The following COLEC10 variants were observed in gnomAD, a reference collection of about 807,000 sequenced individuals.
COLEC10 encodes the protein collectin-10.
A neutral mutation model predicts 28.4 loss-of-function variants in COLEC10; 22 were observed. The observed-to-expected ratio is 0.78, with a 90% CI of 0.55 to 1.11. The LOEUF (loss-of-function observed/expected upper bound fraction) is 1.11, where lower values mean the gene tolerates loss of function less well. COLEC10 is among the 50% of genes least tolerant of loss of function. The probability of loss-of-function intolerance (pLI) is 0.00; values close to 1 mark genes in which losing one functional copy is unlikely to be tolerated. For synonymous variants in COLEC10, 125 were observed against 116.1 expected (o/e 1.08, Z -0.49); for missense variants, 361 against 344.1 (o/e 1.05, Z -0.39).
intron 2 of COLEC10, among the ~76,000 whole-genome samples, chr8:119,047,763 A>T (rs1241333313): frequency 7.6e-6 from 1 of 132,218 alleles, no homozygotes; most frequent in Admixed American, 7.5e-5. Flanking sequence ...ACCTGAGAGA[A>T]TTATAAGAAA....
At chr8:119,089,541 A>G (rs1815546457) in intron 1 of COLEC10, 139 bp from the exon 2 acceptor site, 1 of 612,952 alleles carries the variant, frequency 1.6e-6, no homozygotes, top group Non-Finnish European at 2.9e-6. Context: ...ATGTGAACAT[A>G]CATCCATACT....
intron 2 of COLEC10, among the ~76,000 whole-genome samples, chr8:119,009,941 C>G (rs1274841912): frequency 1.3e-5 from 2 of 150,676 alleles, no homozygotes; most frequent in Non-Finnish European, 2.9e-5. Flanking sequence ...CTTCTGCCCC[C>G]ACATCCCATG....
chr8:118,977,576 A>C, the COLEC10 span, among the ~76,000 whole-genome samples: 1 of 131,104 alleles, frequency 7.6e-6, no homozygotes, highest in Non-Finnish European at 1.6e-5. Context: ...CAGGAAGGGG[A>C]ACATCACACT....
the COLEC10 span, among the ~76,000 whole-genome samples, chr8:118,964,916 T>C: frequency 6.6e-6 from 1 of 152,110 alleles, no homozygotes; most frequent in Non-Finnish European, 1.5e-5. Flanking sequence ...GCAGAATAAG[T>C]GTAAGCTGGG....
chr8:119,020,117 C>T (rs1303219513), intron 2 of COLEC10, among the ~76,000 whole-genome samples: 1 of 152,054 alleles, frequency 6.6e-6, no homozygotes, highest in Admixed American at 6.6e-5. Context: ...CTTCCTTTTT[C>T]CCCTCATTTT....
Position 119,106,388 on chromosome 8 carries a change from C to T in COLEC10, c.*197C>T. On this transcript the variant is annotated 3_prime_UTR_variant, in exon 6 of 6. Transcript: ENST00000332843. Reference sequence around the variant, plus strand: ...TTTCACACATGGTATATTATTGACCCAATAACTCGCCAGGTTACATGGGTC... The same window carrying T: ...TTTCACACATGGTATATTATTGACCTAATAACTCGCCAGGTTACATGGGTC... 1 of 540,090 alleles carries T rather than the reference C, an allele frequency of 1.9e-6. No individual in the cohort carries two copies. Among genetic ancestry groups the T allele is most frequent in the East Asian group, 3.0e-5 (1 of 32,952 alleles). 33.5% of individuals were successfully genotyped at this position (540,090 alleles called of 1,614,324 possible). A position where few individuals can be genotyped will look rare whatever the true frequency, so the allele number is the denominator to read the frequency against.
the COLEC10 span, among the ~76,000 whole-genome samples, chr8:118,961,239 G>A: frequency 6.6e-6 from 1 of 152,148 alleles, no homozygotes; most frequent in Non-Finnish European, 1.5e-5. Flanking sequence ...GAAAGAGATA[G>A]AATCAAAATT....
chr8:119,022,789 C>A (rs978034330), intron 2 of COLEC10, among the ~76,000 whole-genome samples: 3 of 152,106 alleles, frequency 2.0e-5, no homozygotes, highest in Non-Finnish European at 4.4e-5. Context: ...TAAGCCAGAT[C>A]AGGTTCTTCT....
intron 2 of COLEC10, among the ~76,000 whole-genome samples, chr8:119,059,073 C>A (rs1374263067): frequency 2.6e-5 from 4 of 151,890 alleles, no homozygotes. Flanking sequence ...AAAATTTTGC[C>A]CATTTTTAAT....
chr8:119,052,345 C>A (rs750439706), intron 2 of COLEC10, among the ~76,000 whole-genome samples: 2 of 152,202 alleles, frequency 1.3e-5, no homozygotes, highest in East Asian at 3.9e-4. Context: ...ACAAAGATCA[C>A]GTTAATGCCA....
At chr8:118,988,779 C>A in the COLEC10 span, among the ~76,000 whole-genome samples, 1 of 152,180 alleles carries the variant, frequency 6.6e-6, no homozygotes, top group East Asian at 1.9e-4. Context: ...GAGCCAACAA[C>A]AGAAACTCTA....
intron 1 of COLEC10, among the ~76,000 whole-genome samples, chr8:119,074,810 A>C (rs2450080): frequency 0.4 from 60,414 of 151,980 alleles, 12,679 homozygotes; most frequent in Non-Finnish European, 0.47. Flanking sequence ...CTTATTAGTA[A>C]AATGGAAATA....
At chr8:118,973,384 A>T in the COLEC10 span, among the ~76,000 whole-genome samples, 7 of 152,052 alleles carry the variant, frequency 4.6e-5, no homozygotes, top group East Asian at 1.4e-3. Flanking sequence ...TGAAGGCATG[A>T]CTGGGGAAAG....
chr8:118,963,627 C>T, the COLEC10 span, among the ~76,000 whole-genome samples: 10 of 152,258 alleles, frequency 6.6e-5, no homozygotes, highest in Non-Finnish European at 1.0e-4. Context: ...TAGAAGAGTT[C>T]GAAATATCCT....
exon 1 of COLEC10, chr8:118,995,568 T>C (rs1813574755): frequency 2.0e-5 from 3 of 152,120 alleles, no homozygotes; most frequent in South Asian, 4.1e-4. Context: ...CAAGACCACA[T>C]TGCTGGTAAG....
upstream of COLEC10, among the ~76,000 whole-genome samples, chr8:118,993,177 G>T (rs904111456): frequency 1.9e-4 from 29 of 152,154 alleles, no homozygotes; most frequent in African/African-American, 7.0e-4. Flanking sequence ...ACCACAGATT[G>T]GGTGGCTTAA....
At chr8:119,095,440 T>C (rs917487150) in intron 3 of COLEC10, among the ~76,000 whole-genome samples, 1 of 152,186 alleles carries the variant, frequency 6.6e-6, no homozygotes, top group Non-Finnish European at 1.5e-5. Context: ...CGGTGGCTCA[T>C]GCTTTTAATC....
Position 119,107,549 on chromosome 8 carries a change from A to C in COLEC10, c.*1358A>C, listed in dbSNP as rs1178164600. 2.0e-5 allele frequency among the ~76,000 whole-genome samples: 3 copies of C among 152,198 alleles called. No individual in the cohort carries two copies. The highest frequency in any genetic ancestry group is 4.4e-5 in the Non-Finnish European group (3 of 68,038). On this transcript the variant is annotated 3_prime_UTR_variant, in exon 6 of 6. Transcript: ENST00000332843. ...AGAAACAGATCAACAACATATGTTC[A>C]CCTTAAACCATCTGTTCATGATTTC...
chr8:118,952,365 G>A, the COLEC10 span, among the ~76,000 whole-genome samples: 3 of 152,300 alleles, frequency 2.0e-5, no homozygotes, highest in South Asian at 6.2e-4. Flanking sequence ...TTGTCCTCTC[G>A]CTGGGCGAAA....
Sources: gnomAD v4.1 joint callset for allele counts (sites outside exome capture counted in the v4.1 genomes callset) on GRCh38, gnomAD v4.1.1 for gene constraint, MANE v1.5 for transcripts, NCBI Gene and HGNC (gene_info 2026-07-23, HGNC 2026-07-21) for gene names.